ARHGAP24: variants seen among roughly 807,000 people sequenced by gnomAD.
The protein encoded by ARHGAP24 is Rho GTPase activating protein 24.
Under a neutral mutation model 76.4 loss-of-function variants are expected in ARHGAP24, and 50 were observed. The observed-to-expected ratio is 0.65, with a 90% CI of 0.52 to 0.83. The LOEUF is 0.83. ARHGAP24 is among the 40% of genes least tolerant of loss of function. ARHGAP24 has a pLI of 0.00. For missense variants in ARHGAP24, 930 were observed against 914.2 expected (o/e 1.02, Z -0.22); for synonymous variants, 345 against 323.3 (o/e 1.07, Z -0.72).
At chr4:85,835,323 G>T (rs910170452) in intron 3 of ARHGAP24, among the ~76,000 whole-genome samples, 3 of 151,910 alleles carry the variant, frequency 2.0e-5, no homozygotes, top group African/African-American at 7.3e-5. Flanking sequence ...CTTTTGGGAG[G>T]CTGAGGCGGG....
Position 85,633,282 on chromosome 4 carries a change from G to A in ARHGAP24, c.180+62561G>A, listed in dbSNP as rs534665491. The stretch of plus-strand genomic sequence containing the variant: ...AGTCTGATTGTAAATTACACATGGG[G>A]ATGACATGTGTTTTGTATGGCATTT... On this transcript the variant is annotated intron_variant, in intron 2 of 9. Transcript: ENST00000395184. 8.1e-4 allele frequency among the ~76,000 whole-genome samples: 123 copies of A among 151,968 alleles called. 1 individual carries two copies. Among genetic ancestry groups the A allele is most frequent in the African/African-American group, 2.9e-3 (119 of 41,500 alleles).
At chr4:85,600,541 A>G (rs910359537) in intron 2 of ARHGAP24, among the ~76,000 whole-genome samples, 1 of 152,180 alleles carries the variant, frequency 6.6e-6, no homozygotes, top group African/African-American at 2.4e-5. Context: ...GCACATTCAA[A>G]TTTTTCTATG....
chr4:85,865,481 A>T (rs345347), intron 3 of ARHGAP24, among the ~76,000 whole-genome samples: 140,075 of 147,160 alleles, frequency 0.95, 67,114 homozygotes, highest in East Asian at 1. Context: ...TAGTAGTATA[A>T]ACAAATAATA....
intron 1 of ARHGAP24, among the ~76,000 whole-genome samples, chr4:85,503,775 C>G (rs2110100915): frequency 6.6e-6 from 1 of 152,252 alleles, no homozygotes; most frequent in South Asian, 2.1e-4. Flanking sequence ...TATTTGTTTG[C>G]TCTTGCCTCT....
At chr4:85,866,246 A>T (rs1311011839) in intron 3 of ARHGAP24, among the ~76,000 whole-genome samples, 1 of 152,190 alleles carries the variant, frequency 6.6e-6, no homozygotes, top group Non-Finnish European at 1.5e-5. Context: ...CCTGTCAGTG[A>T]CAAAGACAGA....
chr4:85,750,102 G>C (rs1157075327), intron 3 of ARHGAP24, among the ~76,000 whole-genome samples: 3 of 152,004 alleles, frequency 2.0e-5, no homozygotes, highest in Non-Finnish European at 4.4e-5. Flanking sequence ...ATGATGAAAT[G>C]TCAGCTGTTC....
chr4:85,663,310 C>A (rs904905768), intron 2 of ARHGAP24, among the ~76,000 whole-genome samples: 18 of 121,998 alleles, frequency 1.5e-4, no homozygotes, highest in African/African-American at 5.1e-4. Flanking sequence ...CATGATTTGG[C>A]TCTCTGTTTG....
At chr4:85,571,036 G>A in intron 2 of ARHGAP24, 1 of 231,440 alleles carries the variant, frequency 4.3e-6, no homozygotes, top group Non-Finnish European at 8.5e-6. Flanking sequence ...ATATATCATA[G>A]CCAAAACATC....
At chr4:85,682,795 T>TA (rs1723257002) in intron 2 of ARHGAP24, among the ~76,000 whole-genome samples, 1 of 152,166 alleles carries the variant, frequency 6.6e-6, no homozygotes. Context: ...AGTATTGGAC[T>TA]CTCTGTAAAG....
chr4:85,903,450 T>A (rs1734609342), intron 3 of ARHGAP24, among the ~76,000 whole-genome samples: 1 of 152,150 alleles, frequency 6.6e-6, no homozygotes, highest in South Asian at 2.1e-4. Context: ...TATATTTTGA[T>A]ATGTTTTTCC....
intron 3 of ARHGAP24, among the ~76,000 whole-genome samples, chr4:85,884,306 A>G (rs1353684869): frequency 6.6e-6 from 1 of 152,204 alleles, no homozygotes; most frequent in East Asian, 1.9e-4. Flanking sequence ...TGAAAAGTTA[A>G]TGAGGGGAAG....
intron 7 of ARHGAP24, chr4:85,975,601 A>T (rs1739272463): frequency 6.6e-6 from 1 of 152,544 alleles, no homozygotes; most frequent in South Asian, 2.1e-4. Context: ...AAGACCTGGG[A>T]TGGGATATGC....
chr4:85,480,576 A>G (rs544621218), intron 1 of ARHGAP24, among the ~76,000 whole-genome samples: 1 of 152,298 alleles, frequency 6.6e-6, no homozygotes, highest in African/African-American at 2.4e-5. Context: ...TCTTGATACA[A>G]TTAGTTAAAT....
At position 86,000,761 on chromosome 4, in the gene ARHGAP24, G is replaced by A. The variant is rs750457955; in HGVS notation, c.*39G>A. On this transcript the variant is annotated 3_prime_UTR_variant, in exon 10 of 10. Coordinates refer to ENST00000395184, the MANE Select transcript of ARHGAP24 (RefSeq NM_001025616.3). ...TGCTGTCTCTGATGGCTCTGGCAAG[G>A]ACTCCAGGGATTCTGGTGGGATATG... The A allele has an allele frequency of 8.7e-6, 14 of 1,612,398 alleles. No homozygotes were observed. The highest frequency in any genetic ancestry group is 3.3e-5 in the Admixed American group (2 of 59,928).
intron 3 of ARHGAP24, among the ~76,000 whole-genome samples, chr4:85,825,015 G>A (rs923963392): frequency 6.6e-6 from 1 of 152,034 alleles, no homozygotes; most frequent in African/African-American, 2.4e-5. Context: ...ACTTGAACCT[G>A]GGAGGCGGAG....
chr4:85,687,122 G>A (rs868402798), intron 2 of ARHGAP24, among the ~76,000 whole-genome samples: 1 of 151,862 alleles, frequency 6.6e-6, no homozygotes. Flanking sequence ...GATGATGGAT[G>A]GATAGATAGA....
In ARHGAP24 at chr4:85,570,615, G is replaced by T. The variant is rs1381735454; in HGVS notation, c.74G>T (p.Trp25Leu). 1.9e-6 allele frequency: 3 copies of T among 1,614,090 alleles called. No homozygotes were observed. The highest frequency in any genetic ancestry group is 1.3e-5 in the African/African-American group (1 of 75,008). Residue 25 changes from tryptophan (W) to leucine (L), a missense_variant, in exon 2 of 10, where the codon TGG becomes TTG. Coordinates refer to ENST00000395184, the MANE Select transcript of ARHGAP24 (RefSeq NM_001025616.3). Reference sequence around the variant, plus strand: ...CGGCAGAATGCCATCAAGTGTGGGTGGCTGAGGAAGCAAGGAGGCTTTGTC... The same window carrying T: ...CGGCAGAATGCCATCAAGTGTGGGTTGCTGAGGAAGCAAGGAGGCTTTGTC... ...QGRQNAIKCGWLRKQGGFVKT... is the reference protein window; with the variant it reads ...QGRQNAIKCGLLRKQGGFVKT...
At chr4:85,508,899 CT>C (rs1374442030) in intron 1 of ARHGAP24, among the ~76,000 whole-genome samples, 1 of 151,992 alleles carries the variant, frequency 6.6e-6, no homozygotes, top group East Asian at 1.9e-4. Flanking sequence ...GCCTTTCCCC[CT>C]GTGACATTTC....
intron 3 of ARHGAP24, among the ~76,000 whole-genome samples, chr4:85,731,576 C>T (rs1394840501): frequency 6.6e-6 from 1 of 152,186 alleles, no homozygotes; most frequent in African/African-American, 2.4e-5. Flanking sequence ...CCAGTGCCTC[C>T]TGAGACTGGA....
Sources: gnomAD v4.1 joint callset for allele counts (sites outside exome capture counted in the v4.1 genomes callset) on GRCh38, gnomAD v4.1.1 for gene constraint, MANE v1.5 for transcripts, NCBI Gene and HGNC (gene_info 2026-07-23, HGNC 2026-07-21) for gene names.